Variants in MEI4 observed in about 807,000 individuals in gnomAD.
MEI4 encodes the protein meiosis-specific protein MEI4.
A neutral mutation model predicts 31.4 loss-of-function variants in MEI4; 27 were observed. The ratio of observed to expected loss-of-function variants is 0.86; its 90% CI spans 0.63 to 1.19. The LOEUF is 1.19. Ranked by LOEUF, MEI4 falls within the 50% of genes most tolerant of loss-of-function variation. The probability of loss-of-function intolerance (pLI) is 0.00; values close to 1 mark genes in which losing one functional copy is unlikely to be tolerated. For missense variants in MEI4, 329 were observed against 398.9 expected, an observed-to-expected ratio of 0.82 and a Z score of 1.49; for synonymous variants, 122 against 145.4, an observed-to-expected ratio of 0.84 and a Z score of 1.16.
intron 3 of MEI4, among the ~76,000 whole-genome samples, chr6:77,807,111 A>G (rs1273455511): frequency 6.7e-6 from 1 of 149,696 alleles, no homozygotes; most frequent in East Asian, 2.0e-4. Flanking sequence ...GCTTCTTGAC[A>G]TATGCTATTT....
intron 1 of MEI4, among the ~76,000 whole-genome samples, chr6:77,679,218 A>T (rs1042164888): frequency 1.1e-4 from 17 of 152,344 alleles, no homozygotes; most frequent in African/African-American, 3.8e-4. Flanking sequence ...AGTATACAGT[A>T]ATGTGCTAGG....
chr6:77,903,730 T>G (rs1040508855), intron 4 of MEI4, among the ~76,000 whole-genome samples: 2 of 152,144 alleles, frequency 1.3e-5, no homozygotes, highest in Admixed American at 1.3e-4. Flanking sequence ...TCATTGAAAG[T>G]TTTTAGCATG....
chr6:77,693,222 G>A (rs529568813), intron 2 of MEI4, among the ~76,000 whole-genome samples: 23 of 151,900 alleles, frequency 1.5e-4, no homozygotes, highest in African/African-American at 5.1e-4. Flanking sequence ...TTTGATAATG[G>A]GCTCTTTGAG....
chr6:77,727,013 G>T lies in MEI4; in HGVS notation c.233-34117G>T, dbSNP rs143251893. On this transcript the variant is annotated intron_variant, in intron 2 of 4. Coordinates refer to ENST00000684080, the MANE Select transcript of MEI4 (RefSeq NM_001322247.2). ...AAAGATACTCTTGGGAGGGAAGGGGGACATGTGTTTAATAAGCCAACAATT... is the reference window on the plus strand; with the variant it reads ...AAAGATACTCTTGGGAGGGAAGGGGTACATGTGTTTAATAAGCCAACAATT... 1.2e-4 allele frequency among the ~76,000 whole-genome samples: 18 copies of T among 152,272 alleles called. No individual in the cohort carries two copies. The East Asian group carries it at 3.5e-3, about 29-fold the overall frequency.
intron 1 of MEI4, among the ~76,000 whole-genome samples, chr6:77,687,704 C>T (rs1361497773): frequency 6.6e-6 from 1 of 152,018 alleles, no homozygotes; most frequent in Non-Finnish European, 1.5e-5. Flanking sequence ...TACCAGTTTA[C>T]TATAAAAAAT....
chr6:77,777,689 A>C (rs1174027891), intron 3 of MEI4, among the ~76,000 whole-genome samples: 1 of 152,196 alleles, frequency 6.6e-6, no homozygotes, highest in African/African-American at 2.4e-5. Flanking sequence ...ATACCCATAT[A>C]ATCAGGATTA....
At chr6:77,657,766 A>G (rs1363324567) in intron 1 of MEI4, among the ~76,000 whole-genome samples, 1 of 152,182 alleles carries the variant, frequency 6.6e-6, no homozygotes, top group Non-Finnish European at 1.5e-5. Flanking sequence ...GCATTCTTCC[A>G]TGAACACCTA....
chr6:77,844,074 A>T (rs1317049927), intron 4 of MEI4, among the ~76,000 whole-genome samples: 1 of 152,124 alleles, frequency 6.6e-6, no homozygotes, highest in Non-Finnish European at 1.5e-5. Context: ...ATCCAACATG[A>T]AGTTTATGAG....
chr6:77,741,257 G>C (rs1043282685), intron 2 of MEI4, among the ~76,000 whole-genome samples: 1 of 152,218 alleles, frequency 6.6e-6, no homozygotes, highest in African/African-American at 2.4e-5. Context: ...GGGCCACACA[G>C]TGAAAGGCTT....
chr6:77,838,368 G>GA (rs1770273926), intron 4 of MEI4, among the ~76,000 whole-genome samples: 3 of 152,000 alleles, frequency 2.0e-5, no homozygotes, highest in Admixed American at 2.0e-4. Context: ...TGTCTTTTCT[G>GA]AATTTCATTG....
At chr6:77,758,636 T>A (rs1017393087) in intron 2 of MEI4, among the ~76,000 whole-genome samples, 1 of 152,210 alleles carries the variant, frequency 6.6e-6, no homozygotes, top group African/African-American at 2.4e-5. Context: ...TTTTTCATTC[T>A]TTTTCCTTCG....
At chr6:77,709,476 T>C (rs756198686) in intron 2 of MEI4, among the ~76,000 whole-genome samples, 3 of 152,206 alleles carry the variant, frequency 2.0e-5, no homozygotes, top group Non-Finnish European at 2.9e-5. Context: ...AGTTTTTCTA[T>C]GTAAATTATA....
intron 4 of MEI4, among the ~76,000 whole-genome samples, chr6:77,897,039 A>G (rs142347925): frequency 2.8e-4 from 42 of 152,108 alleles, no homozygotes; most frequent in Non-Finnish European, 5.4e-4. Flanking sequence ...CAGCATCCCA[A>G]TAGAGGAGTT....
intron 4 of MEI4, among the ~76,000 whole-genome samples, chr6:77,916,428 A>G (rs1766549490): frequency 6.6e-6 from 1 of 151,982 alleles, no homozygotes; most frequent in South Asian, 2.1e-4. Context: ...TCCTAAAGAT[A>G]ATTCCATTAT....
At chr6:77,906,332 G>A (rs963763937) in intron 4 of MEI4, among the ~76,000 whole-genome samples, 2 of 152,108 alleles carry the variant, frequency 1.3e-5, no homozygotes, top group African/African-American at 4.8e-5. Flanking sequence ...GGTGTTGAAA[G>A]ATCATGCCTT....
At chr6:77,732,422 C>G (rs2127668299) in intron 2 of MEI4, among the ~76,000 whole-genome samples, 1 of 151,994 alleles carries the variant, frequency 6.6e-6, no homozygotes, top group South Asian at 2.1e-4. Flanking sequence ...TGATTTGGCT[C>G]TATGTTTGTC....
chr6:77,849,644 T>A (rs1396744590), intron 4 of MEI4, among the ~76,000 whole-genome samples: 1 of 152,202 alleles, frequency 6.6e-6, no homozygotes, highest in Non-Finnish European at 1.5e-5. Context: ...TTCCAAATAA[T>A]TTTTTGAAGA....
chr6:77,704,867 C>T (rs745742045), intron 2 of MEI4, among the ~76,000 whole-genome samples: 6 of 151,932 alleles, frequency 3.9e-5, no homozygotes, highest in African/African-American at 7.3e-5. Context: ...ATTTGTAGGC[C>T]GGCTTCTGAA....
At position 77,829,001 on chromosome 6, in the gene MEI4, T is replaced by C. The variant is rs1770018927; in HGVS notation, c.839T>C (p.Ile280Thr). Residue 280 changes from isoleucine (I) to threonine (T), a missense_variant, in exon 4 of 5, where the codon ATT becomes ACT. Coordinates refer to ENST00000684080, the MANE Select transcript of MEI4 (RefSeq NM_001322247.2). Reference sequence around the variant, plus strand: ...AATTGCAGCTTGTTGAGAAAATCTATTATATCTCTGCTTCTATCAGAAGTA... The same window carrying C: ...AATTGCAGCTTGTTGAGAAAATCTACTATATCTCTGCTTCTATCAGAAGTA... ...LGNCSLLRKS[I>T]ISLLLSEVNG... is the part of the protein sequence containing the mutation. 3.2e-6 allele frequency: 4 copies of C among 1,231,984 alleles called. No homozygotes were observed. The highest frequency in any genetic ancestry group is 8.2e-5 in the South Asian group (2 of 24,324). The allele number at this position is 1,231,984 out of a possible 1,614,324, so 76.3% of individuals were successfully genotyped here.
Sources: allele counts gnomAD v4.1 joint callset (sites outside exome capture counted in the v4.1 genomes callset), GRCh38; gene constraint gnomAD v4.1.1; transcripts MANE v1.5; gene names NCBI Gene and HGNC (gene_info 2026-07-23, HGNC 2026-07-21).